The following SEMA5B variants were observed in gnomAD, a reference collection of about 807,000 sequenced individuals.
SEMA5B encodes the protein semaphorin 5B, also known as semaphorin-5B.
A neutral mutation model predicts 135.0 loss-of-function variants in SEMA5B; 66 were observed. That is an observed-to-expected ratio of 0.49 (90% CI 0.40 to 0.60). The LOEUF is 0.60. Among genes scored for constraint, SEMA5B ranks in the 20% least tolerant of loss-of-function variants. The pLI, the probability that SEMA5B is intolerant of heterozygous loss-of-function variation, is 0.00. For synonymous variants in SEMA5B, 690 were observed against 639.5 expected (o/e 1.08, Z -1.19); for missense variants, 1,501 against 1,566.3 (o/e 0.96, Z 0.70).
chr3:122,929,201 C>T, intron 5 of SEMA5B, 143 bp from the exon 6 acceptor site: 2 of 744,600 alleles, frequency 2.7e-6, no homozygotes, highest in Non-Finnish European at 4.5e-6. Context: ...GGGCTCCTCT[C>T]ACTACATCCA....
intron 12 of SEMA5B, among the ~76,000 whole-genome samples, chr3:122,920,720 A>T (rs1938304029): frequency 6.6e-6 from 1 of 152,182 alleles, no homozygotes; most frequent in Non-Finnish European, 1.5e-5. Flanking sequence ...GTTGAGATGG[A>T]GCCCCAGGTG....
chr3:122,993,751 G>A (rs988149442), intron 1 of SEMA5B, among the ~76,000 whole-genome samples: 15 of 125,296 alleles, frequency 1.2e-4, no homozygotes, highest in Non-Finnish European at 2.3e-4. Context: ...CTTGCCACCC[G>A]CTCTGGGAGG....
At chr3:122,922,215 TC>T in intron 11 of SEMA5B, 24 bp downstream of exon 11, 12 of 1,598,288 alleles carry the variant, frequency 7.5e-6, no homozygotes, top group Non-Finnish European at 1.0e-5. Flanking sequence ...CGACCTGCAG[TC>T]CAGGTTGGAC....
At chr3:122,976,230 G>C in intron 1 of SEMA5B, 2 of 1,398,984 alleles carry the variant, frequency 1.4e-6, no homozygotes, top group Non-Finnish European at 1.9e-6. Flanking sequence ...GCACCTCCTG[G>C]GAACTTGTTT....
chr3:122,983,578 G>T (rs1941598016), intron 1 of SEMA5B, among the ~76,000 whole-genome samples: 1 of 151,790 alleles, frequency 6.6e-6, no homozygotes, highest in East Asian at 1.9e-4. Context: ...GGGTGATGAT[G>T]TAAAGAGCTG....
intron 1 of SEMA5B, among the ~76,000 whole-genome samples, chr3:123,023,821 T>C (rs1476968219): frequency 6.6e-6 from 1 of 152,232 alleles, no homozygotes; most frequent in East Asian, 1.9e-4. Context: ...GAGGCATGTG[T>C]TGTTTACTGT....
chr3:122,918,698 G>T (rs1299640542), intron 12 of SEMA5B, among the ~76,000 whole-genome samples: 4 of 152,168 alleles, frequency 2.6e-5, no homozygotes. Flanking sequence ...TCATGGACAC[G>T]CCTGCCCTGC....
At chr3:122,978,322 G>C (rs1941404274) in intron 1 of SEMA5B, among the ~76,000 whole-genome samples, 1 of 152,250 alleles carries the variant, frequency 6.6e-6, no homozygotes, top group Non-Finnish European at 1.5e-5. Context: ...CCCCTGAAAA[G>C]AACCACTCAC....
At chr3:122,974,839 T>C (rs150945121) in intron 1 of SEMA5B, among the ~76,000 whole-genome samples, 5 of 152,300 alleles carry the variant, frequency 3.3e-5, no homozygotes, top group African/African-American at 4.8e-5. Context: ...TCCATATTCA[T>C]AGAGCTCAGT....
At chr3:122,973,991 G>A (rs1261895945) in intron 1 of SEMA5B, among the ~76,000 whole-genome samples, 2 of 152,140 alleles carry the variant, frequency 1.3e-5, no homozygotes, top group African/African-American at 4.8e-5. Context: ...GCACAGCCTC[G>A]GGCCGTCTAG....
rs918826012 is a variant in SEMA5B at position 122,966,395 on chromosome 3, G to A, written c.-38-5094C>T. On this transcript the variant is annotated intron_variant, in intron 1 of 22. Transcript: ENST00000357599. ...CCTCCTAAAAAGAATAGTCCCAGAAGTCTGTAGTACTGCCTGAAATTGTAC... is the reference window on the plus strand; with the variant it reads ...CCTCCTAAAAAGAATAGTCCCAGAAATCTGTAGTACTGCCTGAAATTGTAC... Among the ~76,000 whole-genome samples the A allele has an allele frequency of 1.8e-4, 27 of 152,292 alleles. 1 individual carries two copies. In the East Asian group the frequency reaches 5.0e-3, roughly 28 times the overall value.
rs569243813 is a variant in SEMA5B, at chr3:122,989,275, C to T, written c.-38-27974G>A. The stretch of plus-strand genomic sequence containing the variant: ...AGAGCCCCTGCAGATTCCCAGCAGC[C>T]GCACAGAGGCTGCTGGTGGGTCAAG... On this transcript the variant is annotated intron_variant, in intron 1 of 22. Coordinates refer to ENST00000357599, the MANE Select transcript of SEMA5B (RefSeq NM_001031702.4). 1.3e-3 allele frequency among the ~76,000 whole-genome samples: 192 copies of T among 152,308 alleles called. 1 individual carries two copies. The highest frequency in any genetic ancestry group is 2.0e-3 in the Admixed American group (30 of 15,296).
Position 122,913,057 on chromosome 3 carries a change from C to T in SEMA5B, c.2511G>A (p.Leu837=), listed in dbSNP as rs939429700. The T allele has an allele frequency of 2.1e-5, 32 of 1,513,490 alleles. No individual in the cohort carries two copies. The highest frequency in any genetic ancestry group is 5.6e-5 in the African/African-American group (4 of 71,958). The allele number at this position is 1,513,490 out of a possible 1,614,324, so 93.8% of individuals were successfully genotyped here. A position where few individuals can be genotyped will look rare whatever the true frequency, so the allele number is the denominator to read the frequency against. Residue 837 remains leucine (L), a synonymous_variant, in exon 18 of 23, where the codon CTG becomes CTA. Coordinates refer to ENST00000357599, the MANE Select transcript of SEMA5B (RefSeq NM_001031702.4). ...DGSGSCDTDA[L]VEVLLRSGST... ...TCCCGCTGCGCAGGAGGACCTCCACCAGGGCTGCGGAGGGGCTAGGCCTCA... is the reference window on the plus strand; with the variant it reads ...TCCCGCTGCGCAGGAGGACCTCCACTAGGGCTGCGGAGGGGCTAGGCCTCA...
At position 122,914,004 on chromosome 3, in the gene SEMA5B, G is replaced by A; in HGVS notation, c.1989-3C>T. On this transcript the variant is annotated splice_region_variant and splice_polypyrimidine_tract_variant and intron_variant, in intron 14 of 22. Transcript: ENST00000357599. The stretch of plus-strand genomic sequence containing the variant: ...ACCACGGGGTCCACGCCCCATTCCT[G>A]GCGGGGTGGGAGGGGACAGAGACAG... The A allele has an allele frequency of 1.3e-6, 2 of 1,579,808 alleles. No homozygotes were observed. Among genetic ancestry groups the A allele is most frequent in the Non-Finnish European group, 1.7e-6 (2 of 1,161,408 alleles).
intron 8 of SEMA5B, among the ~76,000 whole-genome samples, chr3:122,927,047 G>T (rs1938675315): frequency 6.6e-6 from 1 of 152,178 alleles, no homozygotes; most frequent in East Asian, 1.9e-4. Context: ...ATTTAGGTTG[G>T]TTCAAAAGTA....
intron 5 of SEMA5B, among the ~76,000 whole-genome samples, chr3:122,932,135 T>C (rs77048828): frequency 2.6e-5 from 4 of 152,342 alleles, no homozygotes; most frequent in Middle Eastern, 6.8e-3. Context: ...GTTTTGGTTT[T>C]CTTGGACTGA....
Position 122,927,770 on chromosome 3 carries a change from T to C in SEMA5B, c.850+20A>G, listed in dbSNP as rs1345429033. 7.2e-7 allele frequency: 1 copy of C among 1,387,516 alleles called. No homozygotes were observed. Among genetic ancestry groups the C allele is most frequent in the Non-Finnish European group, 9.4e-7 (1 of 1,066,242 alleles). The allele number at this position is 1,387,516 out of a possible 1,614,324, so 86.0% of individuals were successfully genotyped here. On this transcript the variant is annotated intron_variant, in intron 8 of 22. Coordinates refer to ENST00000357599, the MANE Select transcript of SEMA5B (RefSeq NM_001031702.4). ...TCAAAACCAGGGGAGTCCCCACCCC[T>C]GGCACTGGGGCCTCCTTACCATTAA...
chr3:122,955,010 C>T (rs1940222715), intron 2 of SEMA5B, among the ~76,000 whole-genome samples: 1 of 151,388 alleles, frequency 6.6e-6, no homozygotes, highest in Non-Finnish European at 1.5e-5. Flanking sequence ...CTGTGTTGCC[C>T]TGGCTGGTCT....
chr3:122,986,319 A>G (rs745884607), intron 1 of SEMA5B, among the ~76,000 whole-genome samples: 7 of 152,246 alleles, frequency 4.6e-5, no homozygotes, highest in Non-Finnish European at 1.0e-4. Flanking sequence ...ACAATTTGAT[A>G]TACCCAAAAA....
Sources: gnomAD v4.1 joint callset for allele counts (sites outside exome capture counted in the v4.1 genomes callset) on GRCh38, gnomAD v4.1.1 for gene constraint, MANE v1.5 for transcripts, NCBI Gene and HGNC (gene_info 2026-07-23, HGNC 2026-07-21) for gene names.